MRTFA: variants seen among roughly 807,000 people sequenced by gnomAD.
MRTFA encodes myocardin-related transcription factor A.
A neutral mutation model predicts 83.5 loss-of-function variants in MRTFA; 20 were observed. That is an observed-to-expected ratio of 0.24 (90% CI 0.17 to 0.35). The LOEUF is 0.35. MRTFA is among the 10% of genes least tolerant of loss of function. The pLI is 1.00. For synonymous variants in MRTFA, 659 were observed against 541.2 expected (o/e 1.22, Z -3.02); for missense variants, 1,200 against 1,224.7 (o/e 0.98, Z 0.30).
At chr22:40,556,835 A>G (rs1485997830) in intron 2 of MRTFA, among the ~76,000 whole-genome samples, 1 of 152,240 alleles carries the variant, frequency 6.6e-6, no homozygotes, top group African/African-American at 2.4e-5. Context: ...TTCTTTTAAC[A>G]GCAGCAGCCT....
At chr22:40,502,506 G>A (rs1159850130) in intron 3 of MRTFA, among the ~76,000 whole-genome samples, 1 of 136,648 alleles carries the variant, frequency 7.3e-6, no homozygotes, top group Non-Finnish European at 1.6e-5. Flanking sequence ...ATGTGATGGC[G>A]GCTGCGCTCC....
intron 1 of MRTFA, among the ~76,000 whole-genome samples, chr22:40,610,211 T>C (rs1326796954): frequency 1.3e-5 from 2 of 151,912 alleles, no homozygotes; most frequent in Admixed American, 1.3e-4. Context: ...CATGCCCAGC[T>C]AATATTTTAT....
intron 3 of MRTFA, among the ~76,000 whole-genome samples, chr22:40,547,574 T>G (rs2055385032): frequency 6.6e-6 from 1 of 152,048 alleles, no homozygotes; most frequent in African/African-American, 2.4e-5. Context: ...AGAGAGAGGC[T>G]GGGCATGGTG....
At position 40,416,770 on chromosome 22, in the gene MRTFA, C is replaced by G. The variant is rs1489582196; in HGVS notation, c.2578+216G>C. The stretch of plus-strand genomic sequence containing the variant: ...TCTTCTGTTCGTTGGGAGGCGAGGG[C>G]CTTGGGGCAGTGCTTCCAGCTGAAG... On this transcript the variant is annotated intron_variant, in intron 14 of 14. Coordinates refer to ENST00000355630, the MANE Select transcript of MRTFA (RefSeq NM_020831.6). This position sits in a 1 kb window ranked among gnomAD's most constrained non-coding sequence, Gnocchi z 4.2. 6.6e-6 allele frequency among the ~76,000 whole-genome samples: 1 copy of G among 152,236 alleles called. No individual in the cohort carries two copies. Among genetic ancestry groups the G allele is most frequent in the Non-Finnish European group, 1.5e-5 (1 of 68,042 alleles).
chr22:40,598,634 T>C (rs1201270094), intron 1 of MRTFA, among the ~76,000 whole-genome samples: 1 of 152,056 alleles, frequency 6.6e-6, no homozygotes, highest in Non-Finnish European at 1.5e-5. Flanking sequence ...ATTCCCTAAC[T>C]GGGAAGATTT....
Position 40,564,564 on chromosome 22 carries a change from C to T in MRTFA, c.-21-12197G>A, listed in dbSNP as rs115319759. On this transcript the variant is annotated intron_variant, in intron 2 of 14. Coordinates refer to ENST00000355630, the MANE Select transcript of MRTFA (RefSeq NM_020831.6). ...TCTGATTCCTAAAATTGTCAAATACCGCTGAGTATCTAATTGCATATCAGC... is the reference window on the plus strand; with the variant it reads ...TCTGATTCCTAAAATTGTCAAATACTGCTGAGTATCTAATTGCATATCAGC... 2.2e-3 allele frequency among the ~76,000 whole-genome samples: 340 copies of T among 152,258 alleles called. 2 individuals carry two copies. Among genetic ancestry groups the T allele is most frequent in the African/African-American group, 7.9e-3 (327 of 41,524 alleles).
chr22:40,616,396 A>G (rs1363657972), intron 1 of MRTFA, among the ~76,000 whole-genome samples: 2 of 152,228 alleles, frequency 1.3e-5, no homozygotes, highest in Non-Finnish European at 1.5e-5. Flanking sequence ...CTCTGGCTTC[A>G]GTGTGGAGAA....
chr22:40,423,421 T>G, intron 9 of MRTFA, 115 bp downstream of exon 9: 1 of 973,984 alleles, frequency 1.0e-6, no homozygotes, highest in African/African-American at 1.7e-5. Context: ...CCCAGACCAA[T>G]GGGAGAAGAC....
chr22:40,436,693 G>C (rs766091622), intron 4 of MRTFA, among the ~76,000 whole-genome samples: 6 of 150,650 alleles, frequency 4.0e-5, no homozygotes, highest in Non-Finnish European at 8.8e-5. Flanking sequence ...GGATGAGAGG[G>C]AAAGGCCTGA....
At chr22:40,502,654 G>A (rs2054513138) in intron 3 of MRTFA, among the ~76,000 whole-genome samples, 2 of 149,910 alleles carry the variant, frequency 1.3e-5, no homozygotes, top group African/African-American at 2.5e-5. Context: ...ACGGGGTGGC[G>A]GCCGGGCAGA....
chr22:40,543,675 T>A (rs1003690650), intron 3 of MRTFA, among the ~76,000 whole-genome samples: 17 of 152,232 alleles, frequency 1.1e-4, no homozygotes, highest in Admixed American at 3.3e-4. Context: ...ACTAAAGATG[T>A]GTAAGATCAT....
chr22:40,556,024 C>G (rs977008872), intron 2 of MRTFA, among the ~76,000 whole-genome samples: 3 of 152,052 alleles, frequency 2.0e-5, no homozygotes, highest in African/African-American at 7.2e-5. Context: ...CATAAAACTA[C>G]ATACTCATAT....
chr22:40,556,697 ATCTT>A (rs2055530071), intron 2 of MRTFA, among the ~76,000 whole-genome samples: 1 of 152,242 alleles, frequency 6.6e-6, no homozygotes, highest in Non-Finnish European at 1.5e-5. Flanking sequence ...ATTCTTTTCC[ATCTT>A]GTCTATGATT....
At chr22:40,497,985 A>T (rs1296984930) in intron 3 of MRTFA, among the ~76,000 whole-genome samples, 1 of 151,386 alleles carries the variant, frequency 6.6e-6, no homozygotes, top group African/African-American at 2.4e-5. Context: ...AAATCTTTTT[A>T]AAATATTAGA....
chr22:40,422,633 G>C (rs746752945), intron 9 of MRTFA, among the ~76,000 whole-genome samples: 1 of 152,254 alleles, frequency 6.6e-6, no homozygotes, highest in African/African-American at 2.4e-5. Flanking sequence ...CATGGAGGAA[G>C]CAAGAGGCAG....
At chr22:40,588,020 C>A in intron 2 of MRTFA, 1 of 193,128 alleles carries the variant, frequency 5.2e-6, no homozygotes, top group East Asian at 1.3e-4. Flanking sequence ...GAAGGCCACA[C>A]TCCAACATTT....
At position 40,586,267 on chromosome 22, in the gene MRTFA, A is replaced by G. The variant is rs532517362; in HGVS notation, c.-22+8407T>C. 3.1e-3 allele frequency among the ~76,000 whole-genome samples: 436 copies of G among 138,624 alleles called. 3 individuals are homozygous for G. The highest frequency in any genetic ancestry group is 0.011 in the African/African-American group (415 of 36,316). The allele number at this position is 138,624 out of a possible 152,430, so 90.9% of individuals were successfully genotyped here. A position where few individuals can be genotyped will look rare whatever the true frequency, so the allele number is the denominator to read the frequency against. On this transcript the variant is annotated intron_variant, in intron 2 of 14. Coordinates refer to ENST00000355630, the MANE Select transcript of MRTFA (RefSeq NM_020831.6). ...CAAACAAATACATCATTTGCTCTTC[A>G]AAAAAAAAAAAAAGAAGGAAAGAAA...
intron 2 of MRTFA, among the ~76,000 whole-genome samples, chr22:40,592,649 T>A (rs1470523950): frequency 6.6e-6 from 1 of 151,990 alleles, no homozygotes; most frequent in Non-Finnish European, 1.5e-5. Flanking sequence ...TCACCATGCC[T>A]GGCTAATTTT....
At chr22:40,502,467 G>A (rs1446803979) in intron 3 of MRTFA, among the ~76,000 whole-genome samples, 3 of 138,888 alleles carry the variant, frequency 2.2e-5, no homozygotes, top group African/African-American at 8.1e-5. Context: ...ACGATGGGCG[G>A]CCGGGCAGAG....
Sources: allele counts gnomAD v4.1 joint callset (sites outside exome capture counted in the v4.1 genomes callset), GRCh38; gene constraint gnomAD v4.1.1; non-coding constraint Gnocchi (gnomAD v3.1); transcripts MANE v1.5; gene names NCBI Gene and HGNC (gene_info 2026-07-23, HGNC 2026-07-21).